FBXO46: variants seen among roughly 807,000 people sequenced by gnomAD.
FBXO46 encodes the protein F-box protein 46, also known as F-box only protein 46.
In FBXO46, 13 loss-of-function variants were observed where a neutral mutation model predicts 30.7. The observed-to-expected ratio is 0.42, with a 90% CI of 0.28 to 0.67. The LOEUF is 0.67. FBXO46 is among the 30% of genes least tolerant of loss of function. The pLI, the probability that FBXO46 is intolerant of heterozygous loss-of-function variation, is 0.21. For missense variants in FBXO46, 754 were observed against 871.5 expected (o/e 0.87, Z 1.70); for synonymous variants, 467 against 385.8 (o/e 1.21, Z -2.47).
rs557705330 is a variant in FBXO46, at chr19:45,727,169, A to C, written c.-79+3680T>G. Among the ~76,000 whole-genome samples the C allele has an allele frequency of 2.0e-4, 30 of 151,888 alleles. No homozygotes were observed. The South Asian group carries it at 6.0e-3, about 30-fold the overall frequency. On this transcript the variant is annotated intron_variant, in intron 1 of 1. Transcript: ENST00000317683. The stretch of plus-strand genomic sequence containing the variant: ...GAGGCTGAGGTGGGAGGATCCCTTG[A>C]TCCTGGGAGGTGGAAGTTGCAGTGA...
In FBXO46 at chr19:45,713,243, G is replaced by A. The variant is rs1351260725; in HGVS notation, c.253C>T (p.Leu85Phe). 2 of 1,613,956 alleles carry A rather than the reference G, an allele frequency of 1.2e-6. No homozygotes were observed. Among genetic ancestry groups the A allele is most frequent in the Non-Finnish European group, 8.5e-7 (1 of 1,179,868 alleles). Residue 85 changes from leucine to phenylalanine, a missense_variant, in exon 2 of 2, where the codon CTC becomes TTC. Coordinates refer to ENST00000317683, the MANE Select transcript of FBXO46 (RefSeq NM_001080469.2). This position sits in a 1 kb window ranked among gnomAD's most constrained non-coding sequence, Gnocchi z 4.7. ...TTGATGACATACCACGTGTCCAGGAGGACTCGACCCTCATCACCAGCAGCT... is the reference window on the plus strand; with the variant it reads ...TTGATGACATACCACGTGTCCAGGAAGACTCGACCCTCATCACCAGCAGCT... ...AAAAGDEGRV[L>F]LDTWYVIKPG...
In FBXO46 at chr19:45,713,113, C is replaced by T. The variant is rs765286089; in HGVS notation, c.383G>A (p.Ser128Asn). ...GCGCCTCCGCCGCTTGGCCTTGGAG[C>T]TATCGCTGCCCCAGTGCCCCTTGAC... is the stretch of plus-strand genomic sequence containing the variant. ...MKVKGHWGSD[S>N]SKAKRRRRCL... is the part of the protein sequence containing the mutation. The change falls in exon 2 of 2, where the codon AGC becomes AAC. Residue 128 changes from serine (S) to asparagine (N), a missense_variant. Transcript: ENST00000317683. This position sits in a 1 kb window ranked among gnomAD's most constrained non-coding sequence, Gnocchi z 4.7. The T allele has an allele frequency of 6.2e-7, 1 of 1,611,306 alleles. No homozygotes were observed. Among genetic ancestry groups the T allele is most frequent in the Non-Finnish European group, 8.5e-7 (1 of 1,178,844 alleles).
At chr19:45,730,239 T>C (rs1968291282) in intron 1 of FBXO46, among the ~76,000 whole-genome samples, 2 of 152,082 alleles carry the variant, frequency 1.3e-5, no homozygotes, top group Admixed American at 1.3e-4. Context: ...GGCCGTATTA[T>C]CCTACAGTTC....
chr19:45,727,278 G>T (rs1347611677), intron 1 of FBXO46, among the ~76,000 whole-genome samples: 1 of 151,190 alleles, frequency 6.6e-6, no homozygotes, highest in Non-Finnish European at 1.5e-5. Flanking sequence ...AAAAAAAGAG[G>T]TCGGAGCAGT....
rs1967982585 is a variant in FBXO46 at position 45,712,088 on chromosome 19, G to A, written c.1408C>T (p.Arg470Ter). 1 of 1,605,210 alleles carries A rather than the reference G, an allele frequency of 6.2e-7. No homozygotes were observed. The highest frequency in any genetic ancestry group is 8.5e-7 in the Non-Finnish European group (1 of 1,176,778). ...RFKIQRLLEP[R>*]QYMLLLPEHV... ...TCGGGCAGCAGCAGCATGTACTGTC[G>A]CGGCTCCAGCAGCCGCTGAATCTTG... The change falls in exon 2 of 2, where the codon CGA becomes TGA. Residue 470 changes from arginine to a stop codon, truncating the protein, a stop_gained. Transcript: ENST00000317683. LOFTEE classifies it high-confidence loss of function. This position sits in a 1 kb window ranked among gnomAD's most constrained non-coding sequence, Gnocchi z 8.8.
In FBXO46 at chr19:45,712,199, C is replaced by T. The variant is rs909760996; in HGVS notation, c.1297G>A (p.Gly433Ser). 2.5e-6 allele frequency: 4 copies of T among 1,604,314 alleles called. No homozygotes were observed. The highest frequency in any genetic ancestry group is 1.3e-5 in the African/African-American group (1 of 74,868). ...PPADSPATAP[G>S]PDDAEGTADT... The stretch of plus-strand genomic sequence containing the variant: ...GCCGTGCCCTCGGCATCGTCTGGGC[C>T]GGGCGCAGTGGCCGGGGAGTCGGCC... Residue 433 changes from glycine (G) to serine (S), a missense_variant, in exon 2 of 2, where the codon GGC becomes AGC. Physicochemically the swap from Gly to Ser is moderately conservative, Grantham distance 56 (BLOSUM62 0). Transcript: ENST00000317683. This position sits in a 1 kb window ranked among gnomAD's most constrained non-coding sequence, Gnocchi z 8.8.
intron 1 of FBXO46, among the ~76,000 whole-genome samples, chr19:45,722,761 CA>C (rs35706964): frequency 7.0e-4 from 96 of 136,354 alleles, no homozygotes; most frequent in Middle Eastern, 4.0e-3. Flanking sequence ...GACTCCGTCT[CA>C]AAAAAAAAAA....
chr19:45,731,023 A>G (rs1432855539), upstream of FBXO46: 3 of 152,012 alleles, frequency 2.0e-5, no homozygotes, highest in Non-Finnish European at 4.4e-5. Context: ...TAGGAAGCAA[A>G]TTAGGCGGGC....
At position 45,712,379 on chromosome 19, in the gene FBXO46, C is replaced by A; in HGVS notation, c.1117G>T (p.Val373Leu). The A allele has an allele frequency of 6.2e-7, 1 of 1,604,424 alleles. No individual in the cohort carries two copies. The highest frequency in any genetic ancestry group is 8.5e-7 in the Non-Finnish European group (1 of 1,179,680). The change falls in exon 2 of 2, where the codon GTG becomes TTG. Residue 373 changes from valine to leucine, a missense_variant. This residue lies in a region of FBXO46 where 454 missense variants were observed against 426.5 expected (regional missense o/e 1.06). Transcript: ENST00000317683. The surrounding 1 kb of genome is among the most constrained non-coding windows in gnomAD (Gnocchi z 8.8). Reference sequence around the variant, plus strand: ...CCAAAGAAGATGCACTCATCTACCACGCCCGTCACCACCACGTCCACGTGG... The same window carrying A: ...CCAAAGAAGATGCACTCATCTACCAAGCCCGTCACCACCACGTCCACGTGG... ...GFHVDVVVTGVVDECIFFGKD... is the reference protein window; with the variant it reads ...GFHVDVVVTGLVDECIFFGKD...
chr19:45,726,584 G>A (rs1024281167), intron 1 of FBXO46, among the ~76,000 whole-genome samples: 1 of 151,836 alleles, frequency 6.6e-6, no homozygotes, highest in African/African-American at 2.4e-5. Flanking sequence ...AGAGGCGGAC[G>A]TTGCAGTGAG....
Position 45,714,577 on chromosome 19 carries a change from C to T in FBXO46, c.-78-1004G>A, listed in dbSNP as rs1045406192. 2.0e-5 allele frequency: 3 copies of T among 152,306 alleles called. No homozygotes were observed. The East Asian group carries it at 5.8e-4, about 29-fold the overall frequency. 9.4% of individuals were successfully genotyped at this position (152,306 alleles called of 1,614,324 possible). ...CAATGATGGCACCACTGCACTCCAA[C>T]CCGGGTGACAGAGTGAGACCCTCTA... On this transcript the variant is annotated intron_variant, in intron 1 of 1. Transcript: ENST00000317683.
intron 1 of FBXO46, among the ~76,000 whole-genome samples, chr19:45,718,955 A>AT (rs1968135807): frequency 6.6e-6 from 1 of 151,884 alleles, no homozygotes; most frequent in African/African-American, 2.4e-5. Context: ...AAAAAAAAAA[A>AT]AAAAAACTTG....
At position 45,711,252 on chromosome 19, in the gene FBXO46, G is replaced by A. The variant is rs1169000557; in HGVS notation, c.*432C>T. On this transcript the variant is annotated 3_prime_UTR_variant, in exon 2 of 2. Coordinates refer to ENST00000317683, the MANE Select transcript of FBXO46 (RefSeq NM_001080469.2). ...AGGAGAGGTGCCAACCTTGGGCGAT[G>A]CGGCTTCTTGGGAAATAACAGCTCC... The A allele has an allele frequency of 4.7e-6, 2 of 427,390 alleles. No homozygotes were observed. The highest frequency in any genetic ancestry group is 3.4e-5 in the South Asian group (2 of 58,764). 26.5% of individuals were successfully genotyped at this position (427,390 alleles called of 1,614,324 possible).
At chr19:45,726,300 C>T (rs752681558) in intron 1 of FBXO46, among the ~76,000 whole-genome samples, 5 of 152,024 alleles carry the variant, frequency 3.3e-5, no homozygotes, top group East Asian at 3.9e-4. Context: ...GAGCTGAGAT[C>T]GCACCACCGC....
In FBXO46 at chr19:45,711,676, C is replaced by T. The variant is rs1284437194; in HGVS notation, c.*8G>A. 6.6e-7 allele frequency: 1 copy of T among 1,523,910 alleles called. No individual in the cohort carries two copies. The highest frequency in any genetic ancestry group is 8.8e-7 in the Non-Finnish European group (1 of 1,136,804). 94.4% of individuals were successfully genotyped at this position (1,523,910 alleles called of 1,614,324 possible). A position where few individuals can be genotyped will look rare whatever the true frequency, so the allele number is the denominator to read the frequency against. ...GCGTGGTGGGCTCTCCCCTCCCCTC[C>T]CCCGGCTTCACCTCCCCTCCTCCCG... On this transcript the variant is annotated 3_prime_UTR_variant, in exon 2 of 2. Transcript: ENST00000317683.
chr19:45,722,393 C>T (rs1280327012), intron 1 of FBXO46, among the ~76,000 whole-genome samples: 1 of 152,144 alleles, frequency 6.6e-6, no homozygotes, highest in East Asian at 1.9e-4. Context: ...GTTTCCCCCA[C>T]TGTAAAATGG....
chr19:45,711,744 G>T lies in FBXO46; in HGVS notation c.1752C>A (p.Asn584Lys). 1 of 1,416,888 alleles carries T rather than the reference G, an allele frequency of 7.1e-7. No homozygotes were observed. Among genetic ancestry groups the T allele is most frequent in the Admixed American group, 2.1e-5 (1 of 48,010 alleles). 87.8% of individuals were successfully genotyped at this position (1,416,888 alleles called of 1,614,324 possible). The change falls in exon 2 of 2, where the codon AAC becomes AAA. Residue 584 changes from asparagine (N) to lysine (K), a missense_variant. Asn to Lys is a moderately conservative substitution (Grantham distance 94). Coordinates refer to ENST00000317683, the MANE Select transcript of FBXO46 (RefSeq NM_001080469.2). ...CTGGCCCATTGCAGGGCAGCACCCA[G>T]TTGTTATCGTGGAGGCCCAGGCGGC... ...PGCRLGLHDN[N>K]WVLPCNGPGG...
intron 1 of FBXO46, chr19:45,716,601 T>C (rs948169267): frequency 6.6e-6 from 1 of 151,558 alleles, no homozygotes; most frequent in Non-Finnish European, 1.5e-5. Flanking sequence ...ATCTCCCAAT[T>C]CCACTAGAAG....
chr19:45,717,936 C>T (rs1265292295), intron 1 of FBXO46, among the ~76,000 whole-genome samples: 3 of 152,168 alleles, frequency 2.0e-5, no homozygotes, highest in Admixed American at 6.5e-5. Context: ...TGTAGCCATT[C>T]GGAGCTGCCA....
Sources: gnomAD v4.1 joint callset for allele counts (sites outside exome capture counted in the v4.1 genomes callset) on GRCh38, gnomAD v4.1.1 for gene constraint, gnomAD v4.1.1 regional missense constraint, Gnocchi (gnomAD v3.1) non-coding constraint, MANE v1.5 for transcripts, NCBI Gene and HGNC (gene_info 2026-07-23, HGNC 2026-07-21) for gene names.